FAT3: variants seen among roughly 807,000 people sequenced by gnomAD.
FAT3 encodes the protein protocadherin Fat 3.
Under a neutral mutation model 310.2 loss-of-function variants are expected in FAT3, and 95 were observed. The observed-to-expected ratio is 0.31, with a 90% CI of 0.26 to 0.36. The LOEUF is 0.36. Ranked by LOEUF, FAT3 falls within the 10% of genes least tolerant of loss-of-function variation. The pLI is 1.00. For synonymous variants in FAT3, 2,314 were observed against 2,192.9 expected, an observed-to-expected ratio of 1.06 and a Z score of -1.54; for missense variants, 5,408 against 5,715.6, an observed-to-expected ratio of 0.95 and a Z score of 1.74.
intron 1 of FAT3, among the ~76,000 whole-genome samples, chr11:92,251,039 G>A (rs1865116700): frequency 6.6e-6 from 1 of 152,088 alleles, no homozygotes; most frequent in African/African-American, 2.4e-5. Context: ...GGTACATGTG[G>A]TGTTTTCTTA....
chr11:92,536,495 C>A (rs1954263574), intron 3 of FAT3, among the ~76,000 whole-genome samples: 1 of 152,102 alleles, frequency 6.6e-6, no homozygotes, highest in Admixed American at 6.6e-5. Context: ...ATAATTATAG[C>A]AACTAATGAA....
intron 2 of FAT3, among the ~76,000 whole-genome samples, chr11:92,412,449 T>G (rs1455489332): frequency 1.5e-5 from 2 of 135,122 alleles, no homozygotes; most frequent in Non-Finnish European, 3.1e-5. Context: ...AGTCGCAGAA[T>G]GTATAGTAGG....
At chr11:92,698,279 G>A (rs1282431215) in intron 4 of FAT3, among the ~76,000 whole-genome samples, 3 of 151,682 alleles carry the variant, frequency 2.0e-5, no homozygotes, top group Non-Finnish European at 2.9e-5. Context: ...ACACACACAC[G>A]TGCACATGCA....
chr11:92,576,041 G>T (rs190092523), intron 3 of FAT3, among the ~76,000 whole-genome samples: 1 of 152,162 alleles, frequency 6.6e-6, no homozygotes, highest in East Asian at 1.9e-4. Context: ...AATGTGTGCT[G>T]TGCTGATCTG....
intron 2 of FAT3, among the ~76,000 whole-genome samples, chr11:92,470,449 G>A (rs1951875779): frequency 6.6e-6 from 1 of 152,110 alleles, no homozygotes; most frequent in African/African-American, 2.4e-5. Flanking sequence ...AACCTGTCTT[G>A]AAATGTAAAT....
At position 92,353,493 on chromosome 11, in the gene FAT3, A is replaced by G; in HGVS notation, c.1381A>G (p.Ser461Gly). Residue 461 changes from serine (S) to glycine (G), a missense_variant, in exon 2 of 28, where the codon AGC (serine) becomes GGC (glycine). This residue lies in a region of FAT3 where 4,588 missense variants were observed against 4,809.8 expected (regional missense o/e 0.95). Coordinates refer to ENST00000525166, the MANE Select transcript of FAT3 (RefSeq NM_001367949.2). ...EGDLKAQVTI[S>G]IEDANDHTPE... ...AGATTTAAAAGCACAGGTCACCATC[A>G]GCATAGAAGATGCAAATGACCACAC... is the stretch of plus-strand genomic sequence containing the variant. 6.2e-7 allele frequency: 1 copy of G among 1,613,510 alleles called. No homozygotes were observed. The highest frequency in any genetic ancestry group is 1.1e-5 in the South Asian group (1 of 91,014).
intron 1 of FAT3, among the ~76,000 whole-genome samples, chr11:92,250,336 T>C (rs1865088343): frequency 1.3e-5 from 2 of 152,132 alleles, no homozygotes; most frequent in African/African-American, 2.4e-5. Context: ...ATATGAACAC[T>C]GAAGGGAGAG....
chr11:92,764,087 C>G (rs1463769367), intron 5 of FAT3, among the ~76,000 whole-genome samples: 1 of 151,820 alleles, frequency 6.6e-6, no homozygotes, highest in Non-Finnish European at 1.5e-5. Flanking sequence ...TTTGACCCTC[C>G]CATTTGAGTC....
intron 2 of FAT3, among the ~76,000 whole-genome samples, chr11:92,519,865 G>A (rs573777271): frequency 3.9e-5 from 6 of 152,226 alleles, no homozygotes; most frequent in Admixed American, 3.9e-4. Flanking sequence ...CACTGACCAT[G>A]CCAAGTCAGC....
chr11:92,734,625 C>G (rs1486073876), intron 4 of FAT3, among the ~76,000 whole-genome samples: 1 of 152,030 alleles, frequency 6.6e-6, no homozygotes, highest in African/African-American at 2.4e-5. Context: ...CTCTTATTTG[C>G]TTGGAACACT....
intron 2 of FAT3, among the ~76,000 whole-genome samples, chr11:92,464,207 C>A (rs1381722516): frequency 2.0e-5 from 3 of 152,182 alleles, no homozygotes; most frequent in Non-Finnish European, 1.5e-5. Flanking sequence ...CTTTAACATT[C>A]CCCACAAGTG....
intron 13 of FAT3, among the ~76,000 whole-genome samples, chr11:92,823,098 G>A (rs1948013112): frequency 6.6e-6 from 1 of 152,176 alleles, no homozygotes; most frequent in African/African-American, 2.4e-5. Context: ...GAGCACATAA[G>A]TGGTGGGAGC....
chr11:92,536,799 T>C (rs1396776688), intron 3 of FAT3, among the ~76,000 whole-genome samples: 1 of 152,192 alleles, frequency 6.6e-6, no homozygotes, highest in Non-Finnish European at 1.5e-5. Flanking sequence ...TGGACTGTGA[T>C]GGGGCTAAAC....
At chr11:92,442,081 T>TTATATATA (rs869247397) in intron 2 of FAT3, among the ~76,000 whole-genome samples, 14 of 69,982 alleles carry the variant, frequency 2.0e-4, no homozygotes, top group African/African-American at 9.1e-4. Context: ...AATATATATT[T>TTATATATA]TATATATATA....
rs185519473 is a variant in FAT3 at position 92,700,813 on chromosome 11, T to A, written c.3669+3368T>A. On this transcript the variant is annotated intron_variant, in intron 4 of 27. Coordinates refer to ENST00000525166, the MANE Select transcript of FAT3 (RefSeq NM_001367949.2). Reference sequence around the variant, plus strand: ...CCTCTCTCTCTTTTTCTCTCTCTTATGCACACTGTCTCACTCTCACTCCCT... The same window carrying A: ...CCTCTCTCTCTTTTTCTCTCTCTTAAGCACACTGTCTCACTCTCACTCCCT... Among the ~76,000 whole-genome samples, 9 of 152,312 alleles carry A rather than the reference T, an allele frequency of 5.9e-5. No individual in the cohort carries two copies. In the East Asian group the frequency reaches 1.7e-3, roughly 29 times the overall value.
At chr11:92,281,986 G>A (rs1946436074) in intron 1 of FAT3, among the ~76,000 whole-genome samples, 1 of 151,852 alleles carries the variant, frequency 6.6e-6, no homozygotes, top group Admixed American at 6.6e-5. Flanking sequence ...GCTAACTGCA[G>A]CCTCCACCTC....
rs1458212 is a variant in FAT3, at chr11:92,290,711, G to T, written c.-17-61385G>T. Among the ~76,000 whole-genome samples, 598 of 151,520 alleles carry T rather than the reference G, an allele frequency of 3.9e-3. 3 individuals carry two copies. The highest frequency in any genetic ancestry group is 0.014 in the African/African-American group (561 of 41,306). ...CCTGGGAGGCAGAGGTTTCAGTGAG[G>T]CGAGATCATGCCACTACACTCCAGC... On this transcript the variant is annotated intron_variant, in intron 1 of 27. Transcript: ENST00000525166.
chr11:92,615,816 G>A (rs2135643291), intron 3 of FAT3, among the ~76,000 whole-genome samples: 1 of 152,200 alleles, frequency 6.6e-6, no homozygotes, highest in Non-Finnish European at 1.5e-5. Context: ...ATGAGTTCTA[G>A]TTTGATTGCA....
chr11:92,353,627 G>A lies in FAT3; in HGVS notation c.1515G>A (p.Gly505=). 6.2e-7 allele frequency: 1 copy of A among 1,613,830 alleles called. No individual in the cohort carries two copies. The highest frequency in any genetic ancestry group is 8.5e-7 in the Non-Finnish European group (1 of 1,179,854). The change falls in exon 2 of 28, where the codon GGG becomes GGA. Residue 505 remains glycine (G), a synonymous_variant. Coordinates refer to ENST00000525166, the MANE Select transcript of FAT3 (RefSeq NM_001367949.2). ...CTGATAAGGATAAAGGAGAAAATGGGTACATCACCTATAGTATCGCTAGCC... is the reference window on the plus strand; with the variant it reads ...CTGATAAGGATAAAGGAGAAAATGGATACATCACCTATAGTATCGCTAGCC... The part of the protein sequence containing the change: ...SASDKDKGEN[G]YITYSIASLN...
Sources: gnomAD v4.1 joint callset for allele counts (sites outside exome capture counted in the v4.1 genomes callset) on GRCh38, gnomAD v4.1.1 for gene constraint, gnomAD v4.1.1 regional missense constraint, MANE v1.5 for transcripts, NCBI Gene and HGNC (gene_info 2026-07-23, HGNC 2026-07-21) for gene names.